Variants in HSD17B12 observed in about 807,000 individuals in gnomAD.
HSD17B12 encodes hydroxysteroid 17-beta dehydrogenase 12, also known as very-long-chain 3-oxoacyl-CoA reductase.
Under a neutral mutation model 39.3 loss-of-function variants are expected in HSD17B12, and 32 were observed. The ratio of observed to expected loss-of-function variants is 0.81; its 90% CI spans 0.61 to 1.09. The LOEUF (loss-of-function observed/expected upper bound fraction) is 1.09, where lower values mean the gene tolerates loss of function less well. Ranked by LOEUF, HSD17B12 falls within the 50% of genes least tolerant of loss-of-function variation. The probability of loss-of-function intolerance (pLI) is 0.00; values close to 1 mark genes in which losing one functional copy is unlikely to be tolerated. For synonymous variants in HSD17B12, 150 were observed against 146.7 expected, an observed-to-expected ratio of 1.02 and a Z score of -0.16; for missense variants, 342 against 382.9, an observed-to-expected ratio of 0.89 and a Z score of 0.89.
the HSD17B12 span, among the ~76,000 whole-genome samples, chr11:43,639,653 C>G: frequency 1.3e-5 from 2 of 151,558 alleles, no homozygotes; most frequent in Non-Finnish European, 1.5e-5. Context: ...CCACAAAAGT[C>G]ACATCCTTCA....
At chr11:43,764,578 G>A (rs1280448450) in intron 3 of HSD17B12, among the ~76,000 whole-genome samples, 1 of 151,974 alleles carries the variant, frequency 6.6e-6, no homozygotes, top group African/African-American at 2.4e-5. Context: ...TTATGGATTT[G>A]TCCTTCACAA....
chr11:43,710,921 G>C (rs1310982404), intron 1 of HSD17B12, among the ~76,000 whole-genome samples: 1 of 152,090 alleles, frequency 6.6e-6, no homozygotes, highest in Non-Finnish European at 1.5e-5. Context: ...CTTCCGAACA[G>C]GTGGGACAAC....
rs976906813 is a variant in HSD17B12, at chr11:43,831,942, G to A, written c.536+932G>A. Among the ~76,000 whole-genome samples, 6 of 152,176 alleles carry A rather than the reference G, an allele frequency of 3.9e-5. No individual in the cohort carries two copies. Among genetic ancestry groups the A allele is most frequent in the African/African-American group, 1.4e-4 (6 of 41,434 alleles). On this transcript the variant is annotated intron_variant, in intron 7 of 10. Coordinates refer to ENST00000278353, the MANE Select transcript of HSD17B12 (RefSeq NM_016142.3). This position sits in a 1 kb window ranked among gnomAD's most constrained non-coding sequence, Gnocchi z 4.1. ...AGTGTTAACTCATTTAACTTTGATAGCCTCCCACCATTGTACAGATGAGGA... is the reference window on the plus strand; with the variant it reads ...AGTGTTAACTCATTTAACTTTGATAACCTCCCACCATTGTACAGATGAGGA...
chr11:43,766,122 G>C (rs1950593231), intron 3 of HSD17B12, among the ~76,000 whole-genome samples: 1 of 152,218 alleles, frequency 6.6e-6, no homozygotes, highest in Non-Finnish European at 1.5e-5. Context: ...ACCGTGCCCG[G>C]CCTCGCCTTT....
chr11:43,638,348 C>T, the HSD17B12 span, among the ~76,000 whole-genome samples: 3 of 152,016 alleles, frequency 2.0e-5, no homozygotes, highest in East Asian at 1.9e-4. Flanking sequence ...GAAGGGAAAG[C>T]GGACATTCCT....
the HSD17B12 span, among the ~76,000 whole-genome samples, chr11:43,557,866 C>CG: frequency 9.2e-5 from 14 of 151,458 alleles, no homozygotes; most frequent in South Asian, 2.1e-4. Context: ...GGTGCTGTAA[C>CG]GGGGGGGAGC....
In HSD17B12 at chr11:43,855,428, G is replaced by A; in HGVS notation, c.*180G>A. The A allele has an allele frequency of 5.0e-6, 2 of 398,918 alleles. No homozygotes were observed. The highest frequency in any genetic ancestry group is 6.0e-5 in the South Asian group (1 of 16,582). 24.7% of individuals were successfully genotyped at this position (398,918 alleles called of 1,614,324 possible). Reference sequence around the variant, plus strand: ...TTTAGGGGTTTCTGACATATATTCTGGATACTATCCGAGGTAATTTTGAAG... The same window carrying A: ...TTTAGGGGTTTCTGACATATATTCTAGATACTATCCGAGGTAATTTTGAAG... On this transcript the variant is annotated 3_prime_UTR_variant, in exon 11 of 11. Coordinates refer to ENST00000278353, the MANE Select transcript of HSD17B12 (RefSeq NM_016142.3).
intron 9 of HSD17B12, chr11:43,852,628 A>C (rs1951542921): frequency 6.6e-6 from 1 of 152,126 alleles, no homozygotes; most frequent in African/African-American, 2.4e-5. Flanking sequence ...TTACTGACCC[A>C]TTGTGAGAGC....
chr11:43,844,987 T>C (rs1471531229), intron 9 of HSD17B12, among the ~76,000 whole-genome samples: 1 of 151,956 alleles, frequency 6.6e-6, no homozygotes, highest in East Asian at 1.9e-4. Flanking sequence ...AGGGGTTGTT[T>C]GTTTGTTTGT....
At chr11:43,659,565 A>G in the HSD17B12 span, among the ~76,000 whole-genome samples, 1 of 152,192 alleles carries the variant, frequency 6.6e-6, no homozygotes, top group Non-Finnish European at 1.5e-5. Context: ...AATTTCTTAG[A>G]TAATACATAA....
the HSD17B12 span, among the ~76,000 whole-genome samples, chr11:43,565,145 C>A: frequency 6.6e-6 from 1 of 152,184 alleles, no homozygotes; most frequent in Non-Finnish European, 1.5e-5. Flanking sequence ...AGTGATCCAC[C>A]TGCGTTGGCC....
intron 1 of HSD17B12, among the ~76,000 whole-genome samples, chr11:43,741,923 A>G (rs935573033): frequency 6.7e-6 from 1 of 148,378 alleles, no homozygotes; most frequent in African/African-American, 2.5e-5. Flanking sequence ...TTTAGTAGAG[A>G]CAGGGTTTCA....
chr11:43,611,846 G>T, the HSD17B12 span, among the ~76,000 whole-genome samples: 2 of 152,308 alleles, frequency 1.3e-5, no homozygotes, highest in East Asian at 3.9e-4. Context: ...TCAGAGATGA[G>T]AAACTGAGAT....
intron 6 of HSD17B12, chr11:43,829,817 C>T (rs1388112056): frequency 6.6e-6 from 1 of 151,970 alleles, no homozygotes; most frequent in East Asian, 1.9e-4. Flanking sequence ...GCTGGGGGAA[C>T]TCTTTATAAT....
chr11:43,620,257 A>G, the HSD17B12 span, among the ~76,000 whole-genome samples: 2,647 of 152,320 alleles, frequency 0.017, 34 homozygotes, highest in Non-Finnish European at 0.027. Context: ...AAACCTCACA[A>G]TAACCCTATG....
At chr11:43,834,076 T>C (rs941099126) in intron 7 of HSD17B12, 2 of 152,218 alleles carry the variant, frequency 1.3e-5, no homozygotes, top group African/African-American at 4.8e-5. Context: ...TTCTCTTTCA[T>C]GTGCTGAATG....
chr11:43,754,392 G>A (rs1950491499), intron 3 of HSD17B12, among the ~76,000 whole-genome samples: 1 of 151,966 alleles, frequency 6.6e-6, no homozygotes, highest in Non-Finnish European at 1.5e-5. Flanking sequence ...GACCAACATG[G>A]TGAAACCCCG....
At chr11:43,764,497 A>G (rs1950579496) in intron 3 of HSD17B12, among the ~76,000 whole-genome samples, 1 of 152,124 alleles carries the variant, frequency 6.6e-6, no homozygotes, top group South Asian at 2.1e-4. Context: ...CGTCTTCTGT[A>G]TCCTTATTGG....
chr11:43,702,532 T>C (rs1462633714), intron 1 of HSD17B12, among the ~76,000 whole-genome samples: 1 of 152,256 alleles, frequency 6.6e-6, no homozygotes, highest in East Asian at 1.9e-4. Flanking sequence ...TATTTAATTT[T>C]ATCAAATGCT....
Sources: gnomAD v4.1 joint callset for allele counts (sites outside exome capture counted in the v4.1 genomes callset) on GRCh38, gnomAD v4.1.1 for gene constraint, Gnocchi (gnomAD v3.1) non-coding constraint, MANE v1.5 for transcripts, NCBI Gene and HGNC (gene_info 2026-07-23, HGNC 2026-07-21) for gene names.